Variants in YIPF1 observed in about 807,000 individuals in gnomAD.
YIPF1 encodes the protein protein YIPF1.
A neutral mutation model predicts 37.0 loss-of-function variants in YIPF1; 22 were observed. The observed-to-expected ratio is 0.59, with a 90% CI of 0.42 to 0.85. YIPF1 has a LOEUF of 0.85. Ranked by LOEUF, YIPF1 falls within the 40% of genes least tolerant of loss-of-function variation. The pLI, the probability that YIPF1 is intolerant of heterozygous loss-of-function variation, is 0.00. For synonymous variants in YIPF1, 128 were observed against 131.9 expected, an observed-to-expected ratio of 0.97 and a Z score of 0.21; for missense variants, 355 against 373.1, an observed-to-expected ratio of 0.95 and a Z score of 0.40.
intron 8 of YIPF1, 57 bp from the exon 9 acceptor site, chr1:53,866,439 G>A: frequency 6.4e-7 from 1 of 1,563,930 alleles, no homozygotes; most frequent in Non-Finnish European, 8.7e-7. Context: ...GTTCATTCCA[G>A]GCACATATGT....
intron 3 of YIPF1, among the ~76,000 whole-genome samples, chr1:53,887,211 C>A (rs554867001): frequency 5.9e-5 from 9 of 152,090 alleles, no homozygotes; most frequent in African/African-American, 2.2e-4. Context: ...TCCAGAGTAG[C>A]TGGGATTACA....
At chr1:53,879,507 CTGACA>C (rs1259632836) in intron 4 of YIPF1, among the ~76,000 whole-genome samples, 2 of 125,072 alleles carry the variant, frequency 1.6e-5, no homozygotes, top group East Asian at 5.6e-4. Context: ...TATTACTACT[CTGACA>C]AAAAAAAAAA....
intron 6 of YIPF1, among the ~76,000 whole-genome samples, chr1:53,873,885 T>C (rs1329014404): frequency 6.6e-6 from 1 of 152,122 alleles, no homozygotes; most frequent in African/African-American, 2.4e-5. Context: ...TGTATACTAA[T>C]GTGAAGACTT....
intron 7 of YIPF1, among the ~76,000 whole-genome samples, chr1:53,867,367 CTTTTTTTTTTTT>C (rs57424528): frequency 0.011 from 1,267 of 111,614 alleles, 34 homozygotes; most frequent in African/African-American, 0.042. Flanking sequence ...CACTGACTTC[CTTTTTTTTTTTT>C]TTTTTTTTTT....
rs566605093 is a variant in YIPF1 at position 53,875,619 on chromosome 1, C to A, written c.364+2696G>T. Among the ~76,000 whole-genome samples the A allele has an allele frequency of 1.7e-4, 26 of 152,330 alleles. No homozygotes were observed. In the South Asian group the frequency reaches 4.6e-3, roughly 27 times the overall value. ...CTGTGACTTATGAGACCTTACCTGT[C>A]CCTCCACACTGTCTCTCTCACCTCA... On this transcript the variant is annotated intron_variant, in intron 6 of 10. Transcript: ENST00000072644.
chr1:53,860,374 A>G (rs538496268), intron 9 of YIPF1, among the ~76,000 whole-genome samples: 2 of 152,328 alleles, frequency 1.3e-5, no homozygotes, highest in East Asian at 3.9e-4. Flanking sequence ...AGCACTTACT[A>G]TATTACATGA....
intron 4 of YIPF1, among the ~76,000 whole-genome samples, chr1:53,881,751 A>C (rs1650507613): frequency 1.3e-5 from 2 of 152,198 alleles, no homozygotes; most frequent in Admixed American, 1.3e-4. Context: ...ATGCTTTTAC[A>C]CTGTTGGTGG....
At chr1:53,888,782 C>T in intron 3 of YIPF1, 125 bp downstream of exon 3, 1 of 999,170 alleles carries the variant, frequency 1.0e-6, no homozygotes, top group Non-Finnish European at 1.4e-6. Context: ...TGGATGTGGC[C>T]AACAGCCACC....
intron 4 of YIPF1, among the ~76,000 whole-genome samples, chr1:53,879,341 G>A (rs12120300): frequency 0.13 from 20,164 of 151,892 alleles, 1,491 homozygotes; most frequent in South Asian, 0.25. Flanking sequence ...TGATACTCCC[G>A]CCTCAGCCTC....
intron 6 of YIPF1, among the ~76,000 whole-genome samples, chr1:53,877,528 G>A (rs1650364696): frequency 6.6e-6 from 1 of 152,122 alleles, no homozygotes; most frequent in Non-Finnish European, 1.5e-5. Context: ...CACTGTTGGG[G>A]CCTTTTCCTC....
At position 53,866,268 on chromosome 1, in the gene YIPF1, G is replaced by A. The variant is rs141323348; in HGVS notation, c.763C>T (p.Arg255Ter). The stretch of plus-strand genomic sequence containing the variant: ...ACAATTGTGGCCAATGCAACGCGTC[G>A]GTTATCCTCACGAACAGCTGGCCAA... ...TFWPAVREDN[R>*]RVALATIVTI... The change falls in exon 9 of 11, where the codon CGA becomes TGA. Residue 255 changes from arginine to a stop codon, truncating the protein, a stop_gained. Coordinates refer to ENST00000072644, the MANE Select transcript of YIPF1 (RefSeq NM_018982.5). LOFTEE classifies it high-confidence loss of function. 24 of 1,613,960 alleles carry A rather than the reference G, an allele frequency of 1.5e-5. No individual in the cohort carries two copies. The highest frequency in any genetic ancestry group is 2.2e-5 in the East Asian group (1 of 44,894).
chr1:53,883,027 T>G, intron 4 of YIPF1, 86 bp downstream of exon 4: 1 of 1,434,170 alleles, frequency 7.0e-7, no homozygotes, highest in Non-Finnish European at 9.2e-7. Context: ...TGCCTGACAC[T>G]GTACCTGGCA....
chr1:53,870,160 C>CTTTTTTTTTTTTTT lies in YIPF1; in HGVS notation c.481+1198_481+1211dup, dbSNP rs753978320. Among the ~76,000 whole-genome samples the CTTTTTTTTTTTTTT allele has an allele frequency of 5.5e-5, 5 of 91,196 alleles. 1 individual carries two copies. The highest frequency in any genetic ancestry group is 1.8e-4 in the African/African-American group (4 of 22,580). The allele number at this position is 91,196 out of a possible 152,430, so 59.8% of individuals were successfully genotyped here. A position where few individuals can be genotyped will look rare whatever the true frequency, so the allele number is the denominator to read the frequency against. ...AGGCTTGAGCCACCGCACCGGGTCT[C>CTTTTTTTTTTTTTT]TTTTTTTTTTTTTTTTTTTTTTTTT... On this transcript the variant is annotated intron_variant, in intron 7 of 10. Coordinates refer to ENST00000072644, the MANE Select transcript of YIPF1 (RefSeq NM_018982.5).
Position 53,866,267 on chromosome 1 carries a change from C to T in YIPF1, c.764G>A (p.Arg255Gln), listed in dbSNP as rs745669334. 7.4e-6 allele frequency: 12 copies of T among 1,614,042 alleles called. No homozygotes were observed. The highest frequency in any genetic ancestry group is 1.1e-5 in the South Asian group (1 of 91,064). ...CACAATTGTGGCCAATGCAACGCGTCGGTTATCCTCACGAACAGCTGGCCA... is the reference window on the plus strand; with the variant it reads ...CACAATTGTGGCCAATGCAACGCGTTGGTTATCCTCACGAACAGCTGGCCA... ...TFWPAVREDN[R>Q]RVALATIVTI... Residue 255 changes from arginine (R) to glutamine (Q), a missense_variant, in exon 9 of 11, where the codon CGA becomes CAA. By Grantham distance (43) the Arg-to-Gln change is conservative. Coordinates refer to ENST00000072644, the MANE Select transcript of YIPF1 (RefSeq NM_018982.5).
intron 6 of YIPF1, among the ~76,000 whole-genome samples, chr1:53,872,206 G>A (rs1396580665): frequency 6.6e-6 from 1 of 152,118 alleles, no homozygotes; most frequent in Non-Finnish European, 1.5e-5. Flanking sequence ...CTCCCTCTCT[G>A]TGCCCCGGCT....
rs144810753 is a variant in YIPF1 at position 53,856,854 on chromosome 1, G to A, written c.*8+3202C>T. ...TCCAGTGATCCCTGCCTGTCTCCAG[G>A]CATTCATGCCCTTGTGTAATTGCCT... On this transcript the variant is annotated intron_variant, in intron 10 of 10. Coordinates refer to ENST00000072644, the MANE Select transcript of YIPF1 (RefSeq NM_018982.5). Among the ~76,000 whole-genome samples the A allele has an allele frequency of 1.1e-3, 161 of 152,330 alleles. 4 individuals carry two copies. In the South Asian group the frequency reaches 0.021, roughly 19 times the overall value.
At chr1:53,858,554 T>C (rs1042837011) in intron 10 of YIPF1, among the ~76,000 whole-genome samples, 2 of 152,184 alleles carry the variant, frequency 1.3e-5, no homozygotes, top group African/African-American at 4.8e-5. Flanking sequence ...TCATTCTTAT[T>C]GTAAAGACAA....
At chr1:53,866,042 C>T (rs1883452) in intron 9 of YIPF1, among the ~76,000 whole-genome samples, 158 bp downstream of exon 9, 1 of 151,996 alleles carries the variant, frequency 6.6e-6, no homozygotes, top group South Asian at 2.1e-4. Flanking sequence ...GCTCGAGATC[C>T]GCCCACTTGG....
At chr1:53,882,872 G>T in intron 4 of YIPF1, 1 of 359,072 alleles carries the variant, frequency 2.8e-6, no homozygotes, top group Non-Finnish European at 4.9e-6. Context: ...TATTGAGCAT[G>T]GGAGTCCCAC....
Sources: allele counts gnomAD v4.1 joint callset (sites outside exome capture counted in the v4.1 genomes callset), GRCh38; gene constraint gnomAD v4.1.1; transcripts MANE v1.5; gene names NCBI Gene and HGNC (gene_info 2026-07-23, HGNC 2026-07-21).